PCLO: variants seen among roughly 807,000 people sequenced by gnomAD.
The protein encoded by PCLO is protein piccolo.
PCLO carries 82 observed loss-of-function variants against 427.5 expected under a neutral mutation model. The observed-to-expected ratio is 0.19, with a 90% confidence interval of 0.16 to 0.23. The LOEUF (loss-of-function observed/expected upper bound fraction) is 0.23. PCLO is among the 10% of genes least tolerant of loss of function. PCLO has a pLI of 1.00. For missense variants in PCLO, 6,239 were observed against 6,115.9 expected (o/e 1.02, Z -0.67); for synonymous variants, 2,357 against 2,155.4 (o/e 1.09, Z -2.59).
chr7:82,925,713 CTTT>C (rs34017885), intron 6 of PCLO, among the ~76,000 whole-genome samples: 32 of 79,010 alleles, frequency 4.1e-4, no homozygotes, highest in Admixed American at 3.3e-3. Flanking sequence ...ATTTTTGTTG[CTTT>C]TTTTTTTTTT....
intron 8 of PCLO, among the ~76,000 whole-genome samples, chr7:82,907,173 G>A (rs1783511339): frequency 6.6e-6 from 1 of 151,878 alleles, no homozygotes; most frequent in Admixed American, 6.6e-5. Flanking sequence ...TAAATTAGGT[G>A]GAAAAGACTA....
intron 3 of PCLO, among the ~76,000 whole-genome samples, chr7:83,116,668 G>A (rs961664080): frequency 2.0e-5 from 3 of 152,064 alleles, no homozygotes; most frequent in African/African-American, 7.2e-5. Flanking sequence ...CACTCTTTTA[G>A]CATTTTTCAA....
chr7:83,142,164 T>C (rs1186254367), intron 2 of PCLO, among the ~76,000 whole-genome samples: 4 of 152,126 alleles, frequency 2.6e-5, no homozygotes, highest in African/African-American at 9.7e-5. Flanking sequence ...CTCAATTACA[T>C]AGCCGTAGTA....
chr7:83,102,810 T>C (rs1031159682), intron 3 of PCLO, among the ~76,000 whole-genome samples: 14 of 152,072 alleles, frequency 9.2e-5, no homozygotes, highest in African/African-American at 2.9e-4. Flanking sequence ...AACTTTGATA[T>C]AGTTCATTAT....
intron 22 of PCLO, among the ~76,000 whole-genome samples, chr7:82,788,358 A>T (rs951269646): frequency 2.0e-5 from 3 of 150,770 alleles, no homozygotes; most frequent in Non-Finnish European, 4.4e-5. Flanking sequence ...AATATTTTTT[A>T]AAAACCAAAA....
At chr7:83,128,502 T>C (rs1247485045) in intron 3 of PCLO, among the ~76,000 whole-genome samples, 1 of 152,092 alleles carries the variant, frequency 6.6e-6, no homozygotes, top group Non-Finnish European at 1.5e-5. Flanking sequence ...AACAGTAGCA[T>C]ACATGCAAAC....
intron 3 of PCLO, among the ~76,000 whole-genome samples, chr7:83,125,348 T>TG (rs982457945): frequency 1.3e-5 from 2 of 151,410 alleles, no homozygotes; most frequent in South Asian, 2.1e-4. Context: ...ATCTGGGAAG[T>TG]GGGGGGCTGC....
Position 83,134,481 on chromosome 7 carries a change from T to C in PCLO, c.3069A>G (p.Thr1023=), listed in dbSNP as rs769949632. 6.2e-7 allele frequency: 1 copy of C among 1,613,436 alleles called. No homozygotes were observed. The highest frequency in any genetic ancestry group is 1.1e-5 in the South Asian group (1 of 91,022). The change falls in exon 3 of 25, where the codon ACA becomes ACG. Residue 1023 remains threonine, a synonymous_variant. Transcript: ENST00000333891. ...EQAPTVKRTE[T]EKKPPPIKDS... ...CCTTAATAGGTGGTGGCTTTTTTTC[T>C]GTTTCTGTTCTTTTTACTGTTGGAG...
At chr7:83,024,244 G>A (rs1788421590) in intron 3 of PCLO, among the ~76,000 whole-genome samples, 1 of 152,160 alleles carries the variant, frequency 6.6e-6, no homozygotes, top group South Asian at 2.1e-4. Flanking sequence ...GTCAGTGGGT[G>A]CGCGCACCAT....
intron 22 of PCLO, among the ~76,000 whole-genome samples, chr7:82,792,201 T>C (rs1250075705): frequency 6.6e-6 from 1 of 152,166 alleles, no homozygotes; most frequent in Non-Finnish European, 1.5e-5. Flanking sequence ...ATATTCATAA[T>C]AATTTAGGGG....
intron 3 of PCLO, among the ~76,000 whole-genome samples, chr7:83,091,873 A>G (rs1790386909): frequency 6.6e-6 from 1 of 152,202 alleles, no homozygotes; most frequent in Non-Finnish European, 1.5e-5. Context: ...TTTAGTGAAT[A>G]AAATAAATCT....
intron 22 of PCLO, among the ~76,000 whole-genome samples, chr7:82,796,196 A>T (rs1237525119): frequency 2.6e-5 from 4 of 152,302 alleles, no homozygotes; most frequent in South Asian, 2.1e-4. Context: ...ACAGATTTTT[A>T]AAAAATATTT....
intron 3 of PCLO, among the ~76,000 whole-genome samples, chr7:82,970,595 A>G (rs1171428213): frequency 1.3e-5 from 2 of 151,912 alleles, no homozygotes; most frequent in Non-Finnish European, 2.9e-5. Context: ...CTGCAGCCCT[A>G]GAACCAAAAA....
chr7:83,045,663 T>A (rs1238319985), intron 3 of PCLO, among the ~76,000 whole-genome samples: 1 of 152,096 alleles, frequency 6.6e-6, no homozygotes, highest in Non-Finnish European at 1.5e-5. Flanking sequence ...AATTATTGTT[T>A]AATAATTTTT....
intron 22 of PCLO, among the ~76,000 whole-genome samples, chr7:82,775,878 G>C (rs929782775): frequency 1.2e-4 from 18 of 152,068 alleles, no homozygotes; most frequent in African/African-American, 4.3e-4. Context: ...TTTTTATAAA[G>C]CATGAGTTCT....
Position 82,966,533 on chromosome 7 carries a change from T to C in PCLO, c.3301-46A>G, listed in dbSNP as rs77150151. 9.1e-5 allele frequency: 107 copies of C among 1,179,094 alleles called. No homozygotes were observed. The East Asian group carries it at 2.1e-3, about 23-fold the overall frequency. 73.0% of individuals were successfully genotyped at this position (1,179,094 alleles called of 1,614,324 possible). A position where few individuals can be genotyped will look rare whatever the true frequency, so the allele number is the denominator to read the frequency against. On this transcript the variant is annotated intron_variant, in intron 3 of 24. Coordinates refer to ENST00000333891, the MANE Select transcript of PCLO (RefSeq NM_033026.6). ...TGAACAGATTGAATGTATTATAATG[T>C]ATCTGTTTCTGTGATTTTACCAAAG...
At chr7:82,997,100 G>A (rs1028597189) in intron 3 of PCLO, among the ~76,000 whole-genome samples, 2 of 151,838 alleles carry the variant, frequency 1.3e-5, no homozygotes, top group Admixed American at 6.6e-5. Context: ...GATCAAACAC[G>A]TTTGGGTCAT....
rs75243642 is a variant in PCLO at position 82,821,393 on chromosome 7, T to C, written c.14791+1102A>G. On this transcript the variant is annotated intron_variant, in intron 20 of 24. Coordinates refer to ENST00000333891, the MANE Select transcript of PCLO (RefSeq NM_033026.6). ...CAAACAGAAGTGCTCTTTTGCTCTATTTAAATAGGTTGTGTTTTCAAATGC... is the reference window on the plus strand; with the variant it reads ...CAAACAGAAGTGCTCTTTTGCTCTACTTAAATAGGTTGTGTTTTCAAATGC... 134 of 985,800 alleles carry C rather than the reference T, an allele frequency of 1.4e-4. No individual in the cohort carries two copies. In the East Asian group the frequency reaches 0.013, roughly 94 times the overall value. The allele number at this position is 985,800 out of a possible 1,614,324, so 61.1% of individuals were successfully genotyped here. A position where few individuals can be genotyped will look rare whatever the true frequency, so the allele number is the denominator to read the frequency against.
chr7:83,126,673 G>A (rs977176311), intron 3 of PCLO, among the ~76,000 whole-genome samples: 47 of 151,976 alleles, frequency 3.1e-4, no homozygotes, highest in African/African-American at 1.1e-3. Flanking sequence ...AATTGATAAA[G>A]ATTTAAATTA....
Sources: gnomAD v4.1 joint callset for allele counts (sites outside exome capture counted in the v4.1 genomes callset) on GRCh38, gnomAD v4.1.1 for gene constraint, MANE v1.5 for transcripts, NCBI Gene and HGNC (gene_info 2026-07-23, HGNC 2026-07-21) for gene names.